ZNF264: variants seen among roughly 807,000 people sequenced by gnomAD.
ZNF264 encodes the protein zinc finger protein 264.
A neutral mutation model predicts 11.2 loss-of-function variants in ZNF264; 11 were observed. The observed-to-expected ratio is 0.98, with a 90% CI of 0.62 to 1.63. The LOEUF is 1.63. Ranked by LOEUF, ZNF264 falls within the 40% of genes most tolerant of loss-of-function variation. The pLI, the probability that ZNF264 is intolerant of heterozygous loss-of-function variation, is 0.00. For synonymous variants in ZNF264, 309 were observed against 279.8 expected (o/e 1.10, Z -1.04); for missense variants, 752 against 768.1 (o/e 0.98, Z 0.25).
intron 3 of ZNF264, among the ~76,000 whole-genome samples, chr19:57,207,508 C>T (rs2087301486): frequency 6.7e-6 from 1 of 149,878 alleles, no homozygotes; most frequent in Admixed American, 6.7e-5. Flanking sequence ...ATTCTCTACT[C>T]AACCTAAAAA....
At chr19:57,196,546 G>T (rs925894193) in intron 2 of ZNF264, among the ~76,000 whole-genome samples, 1 of 151,892 alleles carries the variant, frequency 6.6e-6, no homozygotes, top group African/African-American at 2.4e-5. Flanking sequence ...GTAAGTGGAA[G>T]TCCATGTTGC....
rs1330799411 is a variant in ZNF264 at position 57,193,973 on chromosome 19, G to A, written c.132G>A (p.Leu44=). ...GGACCCTGTACCAGGAGGTGATGCT[G>A]GAAAACTGTGGGCTCCTGGTGTCTC... The part of the protein sequence containing the change: ...AQRTLYQEVM[L]ENCGLLVSLG... The change falls in exon 2 of 4, where the codon CTG becomes CTA. Residue 44 remains leucine (L), a synonymous_variant. Coordinates refer to ENST00000263095, the MANE Select transcript of ZNF264 (RefSeq NM_003417.5). The A allele has an allele frequency of 1.9e-6, 3 of 1,613,088 alleles. No individual in the cohort carries two copies. In the South Asian group the frequency reaches 3.3e-5, roughly 18 times the overall value.
chr19:57,192,724 C>T (rs543939494), intron 1 of ZNF264, among the ~76,000 whole-genome samples: 22 of 132,088 alleles, frequency 1.7e-4, no homozygotes, highest in African/African-American at 7.0e-4. Context: ...TTTTTGTGCC[C>T]GTGTTCACAT....
rs1015623174 is a variant in ZNF264 at position 57,216,913 on chromosome 19, A to G, written c.*3932A>G. On this transcript the variant is annotated 3_prime_UTR_variant, in exon 4 of 4. Coordinates refer to ENST00000263095, the MANE Select transcript of ZNF264 (RefSeq NM_003417.5). The stretch of plus-strand genomic sequence containing the variant: ...TGATACATATGTAGTGTTTTTTAGT[A>G]TAGATCCTCCTTGACTTATGATGGG... The G allele has an allele frequency of 6.7e-6, 1 of 149,810 alleles. No individual in the cohort carries two copies. The highest frequency in any genetic ancestry group is 1.5e-5 in the Non-Finnish European group (1 of 67,672). The allele number at this position is 149,810 out of a possible 1,614,324, so 9.3% of individuals were successfully genotyped here. A position where few individuals can be genotyped will look rare whatever the true frequency, so the allele number is the denominator to read the frequency against.
At position 57,220,259 on chromosome 19, in the gene ZNF264, C is replaced by T. The variant is rs893476787; in HGVS notation, c.*7278C>T. 2.0e-5 allele frequency: 3 copies of T among 152,268 alleles called. No homozygotes were observed. The highest frequency in any genetic ancestry group is 6.5e-5 in the Admixed American group (1 of 15,294). 9.4% of individuals were successfully genotyped at this position (152,268 alleles called of 1,614,324 possible). ...AATGCTATAATCTGTTACTCTCATTCGACAATACATCTTGACTGTTTCTTC... is the reference window on the plus strand; with the variant it reads ...AATGCTATAATCTGTTACTCTCATTTGACAATACATCTTGACTGTTTCTTC... On this transcript the variant is annotated 3_prime_UTR_variant, in exon 4 of 4. Coordinates refer to ENST00000263095, the MANE Select transcript of ZNF264 (RefSeq NM_003417.5).
At position 57,219,071 on chromosome 19, in the gene ZNF264, A is replaced by G. The variant is rs2087399555; in HGVS notation, c.*6090A>G. 1 of 151,882 alleles carries G rather than the reference A, an allele frequency of 6.6e-6. No individual in the cohort carries two copies. 9.4% of individuals were successfully genotyped at this position (151,882 alleles called of 1,614,324 possible). ...TTTTCAGAGTCATGTTCTCCATGGA[A>G]TGTTTGTAAAATTCCCTAGCTCTCT... On this transcript the variant is annotated 3_prime_UTR_variant, in exon 4 of 4. Coordinates refer to ENST00000263095, the MANE Select transcript of ZNF264 (RefSeq NM_003417.5).
At chr19:57,197,002 A>C (rs1258479489) in intron 2 of ZNF264, among the ~76,000 whole-genome samples, 1 of 151,926 alleles carries the variant, frequency 6.6e-6, no homozygotes, top group Non-Finnish European at 1.5e-5. Flanking sequence ...TGTCCTAGAA[A>C]GGGGCTGTAG....
intron 3 of ZNF264, among the ~76,000 whole-genome samples, chr19:57,207,887 C>G (rs957511358): frequency 3.9e-5 from 6 of 152,042 alleles, no homozygotes. Context: ...CCACCACGCC[C>G]GGCTTTTTTT....
Position 57,211,532 on chromosome 19 carries a change from T to A in ZNF264, c.435T>A (p.Asp145Glu), listed in dbSNP as rs772555141. ...MQEGHFRPGI[D>E]PQEKSPGKMS... ...AAGGACACTTCAGACCAGGAATAGA[T>A]CCCCAGGAGAAGTCTCCTGGGAAGA... The change falls in exon 4 of 4, where the codon GAT (aspartate) becomes GAA (glutamate). Residue 145 changes from aspartate (D) to glutamate (E), a missense_variant. By Grantham distance (45) the Asp-to-Glu change is conservative (BLOSUM62 2). Coordinates refer to ENST00000263095, the MANE Select transcript of ZNF264 (RefSeq NM_003417.5). 6.2e-7 allele frequency: 1 copy of A among 1,613,880 alleles called. No homozygotes were observed. Among genetic ancestry groups the A allele is most frequent in the East Asian group, 2.2e-5 (1 of 44,838 alleles).
At position 57,211,494 on chromosome 19, in the gene ZNF264, T is replaced by A. The variant is rs1280823499; in HGVS notation, c.397T>A (p.Ser133Thr). The A allele has an allele frequency of 6.2e-7, 1 of 1,613,996 alleles. No homozygotes were observed. The highest frequency in any genetic ancestry group is 1.1e-5 in the South Asian group (1 of 91,084). The change falls in exon 4 of 4, where the codon TCA becomes ACA. Residue 133 changes from serine (S) to threonine (T), a missense_variant. Physicochemically the swap from Ser to Thr is moderately conservative, Grantham distance 58. Transcript: ENST00000263095. ...LGQAEDQDGL[S>T]EMQEGHFRPG... ...GCAAGCCGAGGATCAGGATGGGCTA[T>A]CAGAAATGCAGGAAGGACACTTCAG... is the stretch of plus-strand genomic sequence containing the variant.
rs1008813804 is a variant in ZNF264 at position 57,217,334 on chromosome 19, C to T, written c.*4353C>T. ...TTTAGCACTTTACTTCCATTAGGTT[C>T]CTTTAGCTTACCTACTAATGTAACT... On this transcript the variant is annotated 3_prime_UTR_variant, in exon 4 of 4. Coordinates refer to ENST00000263095, the MANE Select transcript of ZNF264 (RefSeq NM_003417.5). 1 of 152,148 alleles carries T rather than the reference C, an allele frequency of 6.6e-6. No individual in the cohort carries two copies. The highest frequency in any genetic ancestry group is 6.6e-5 in the Admixed American group (1 of 15,266). 9.4% of individuals were successfully genotyped at this position (152,148 alleles called of 1,614,324 possible). A position where few individuals can be genotyped will look rare whatever the true frequency, so the allele number is the denominator to read the frequency against.
intron 2 of ZNF264, among the ~76,000 whole-genome samples, chr19:57,201,308 A>G (rs2087251799): frequency 6.6e-6 from 1 of 151,946 alleles, no homozygotes; most frequent in Non-Finnish European, 1.5e-5. Flanking sequence ...CCTGGGTAGT[A>G]AAAAGAAGCT....
chr19:57,192,754 C>A (rs1198611824), intron 1 of ZNF264, among the ~76,000 whole-genome samples: 1 of 151,850 alleles, frequency 6.6e-6, no homozygotes, highest in Non-Finnish European at 1.5e-5. Flanking sequence ...TGTTTTGAGA[C>A]AGGGTCTCAC....
chr19:57,205,348 A>G (rs769006873), intron 2 of ZNF264, 49 bp from the exon 3 acceptor site: 116 of 1,540,628 alleles, frequency 7.5e-5, no homozygotes, highest in Non-Finnish European at 8.3e-5. Flanking sequence ...GAAGGTCTTT[A>G]TTTCTTTTCA....
chr19:57,192,243 G>C (rs2087179257), intron 1 of ZNF264: 3 of 729,492 alleles, frequency 4.1e-6, no homozygotes, highest in Non-Finnish European at 3.4e-6. Flanking sequence ...GGGGCCTGAG[G>C]GGGGAAGGGG....
In ZNF264 at chr19:57,217,222, GTC is replaced by G. The variant is rs1167351624; in HGVS notation, c.*4243_*4244del. Reference sequence around the variant, plus strand: ...GTCGAACCATCCTAAGTCAGGGACTGTCTGTATATATCTGCATTTTTTAGTGA... The same window carrying G: ...GTCGAACCATCCTAAGTCAGGGACTGTGTATATATCTGCATTTTTTAGTGA... On this transcript the variant is annotated 3_prime_UTR_variant, in exon 4 of 4. Coordinates refer to ENST00000263095, the MANE Select transcript of ZNF264 (RefSeq NM_003417.5). 1 of 152,194 alleles carries G rather than the reference GTC, an allele frequency of 6.6e-6. No homozygotes were observed. Among genetic ancestry groups the G allele is most frequent in the Non-Finnish European group, 1.5e-5 (1 of 68,028 alleles). The allele number at this position is 152,194 out of a possible 1,614,324, so 9.4% of individuals were successfully genotyped here. A position where few individuals can be genotyped will look rare whatever the true frequency, so the allele number is the denominator to read the frequency against.
chr19:57,210,309 C>CT (rs2087325161), intron 3 of ZNF264, among the ~76,000 whole-genome samples: 1 of 152,206 alleles, frequency 6.6e-6, no homozygotes, highest in Non-Finnish European at 1.5e-5. Context: ...ACACAGTCCT[C>CT]TAAGACTACC....
intron 3 of ZNF264, among the ~76,000 whole-genome samples, chr19:57,206,672 T>G (rs918406008): frequency 2.7e-5 from 4 of 149,394 alleles, no homozygotes; most frequent in African/African-American, 9.7e-5. Flanking sequence ...TGATGCTATG[T>G]TACATTTCCT....
chr19:57,204,051 G>T (rs11666439), intron 2 of ZNF264, among the ~76,000 whole-genome samples: 12,530 of 152,082 alleles, frequency 0.082, 823 homozygotes, highest in African/African-American at 0.18. Flanking sequence ...GCCAGGTGTG[G>T]TGGCAGGCGC....
Sources: allele counts gnomAD v4.1 joint callset (sites outside exome capture counted in the v4.1 genomes callset), GRCh38; gene constraint gnomAD v4.1.1; transcripts MANE v1.5; gene names NCBI Gene and HGNC (gene_info 2026-07-23, HGNC 2026-07-21).